The following PKP4 variants were observed in gnomAD, a reference collection of about 807,000 sequenced individuals.
The protein encoded by PKP4 is plakophilin 4, also known as plakophilin-4.
Under a neutral mutation model 145.1 loss-of-function variants are expected in PKP4, and 90 were observed. The ratio of observed to expected loss-of-function variants is 0.62; its 90% CI spans 0.52 to 0.74. The LOEUF is 0.74. Ranked by LOEUF, PKP4 falls within the 30% of genes least tolerant of loss-of-function variation. The pLI is 0.00. For synonymous variants in PKP4, 563 were observed against 577.2 expected (o/e 0.98, Z 0.35); for missense variants, 1,340 against 1,482.7 (o/e 0.90, Z 1.58).
intron 11 of PKP4, among the ~76,000 whole-genome samples, chr2:158,652,381 A>G (rs1434546180): frequency 6.6e-6 from 1 of 152,122 alleles, no homozygotes; most frequent in African/African-American, 2.4e-5. Flanking sequence ...GGGAGGCCAT[A>G]TTGTAGCAGG....
intron 4 of PKP4, among the ~76,000 whole-genome samples, chr2:158,616,593 T>C (rs1038311137): frequency 3.9e-5 from 6 of 152,162 alleles, no homozygotes; most frequent in Non-Finnish European, 7.4e-5. Context: ...CCTCGGGTGC[T>C]ATTGCTGTCC....
intron 2 of PKP4, among the ~76,000 whole-genome samples, chr2:158,562,813 A>G (rs773843205): frequency 2.6e-5 from 4 of 152,226 alleles, no homozygotes; most frequent in Non-Finnish European, 5.9e-5. Context: ...CAGCCCTAAC[A>G]TGATTCAAAA....
chr2:158,466,813 A>G (rs1388316809), intron 1 of PKP4, among the ~76,000 whole-genome samples: 2 of 152,374 alleles, frequency 1.3e-5, no homozygotes, highest in South Asian at 2.1e-4. Flanking sequence ...GCTCTTTATC[A>G]TACTACTAAT....
intron 1 of PKP4, among the ~76,000 whole-genome samples, chr2:158,503,669 T>C (rs1696903379): frequency 6.6e-6 from 1 of 152,234 alleles, no homozygotes; most frequent in Admixed American, 6.5e-5. Flanking sequence ...TGAGCAAAGT[T>C]TGTATCATTC....
At chr2:158,477,330 C>A (rs975212321) in intron 1 of PKP4, among the ~76,000 whole-genome samples, 4 of 152,164 alleles carry the variant, frequency 2.6e-5, no homozygotes, top group African/African-American at 9.7e-5. Flanking sequence ...ACCTTGTTTC[C>A]CATCAGCTTA....
At chr2:158,553,574 G>T (rs2105710408) in intron 2 of PKP4, among the ~76,000 whole-genome samples, 1 of 152,294 alleles carries the variant, frequency 6.6e-6, no homozygotes, top group East Asian at 1.9e-4. Flanking sequence ...CAAATATGTG[G>T]TCCCCTTAAA....
At position 158,669,760 on chromosome 2, in the gene PKP4, C is replaced by T. The variant is rs763076700; in HGVS notation, c.2769C>T (p.Gly923=). Residue 923 remains glycine (G), a synonymous_variant, in exon 17 of 22, where the codon GGC becomes GGT. Coordinates refer to ENST00000389759, the MANE Select transcript of PKP4 (RefSeq NM_003628.6). The part of the protein sequence containing the change: ...AMRDLVNRLP[G]GNGPSVLSDE... The stretch of plus-strand genomic sequence containing the variant: ...GAGACCTGGTCAACCGGCTCCCCGG[C>T]GGCAATGGCCCCAGTGTCTTGTCTG... 5.6e-6 allele frequency: 9 copies of T among 1,603,382 alleles called. No individual in the cohort carries two copies. Among genetic ancestry groups the T allele is most frequent in the South Asian group, 4.5e-5 (4 of 89,878 alleles).
intron 1 of PKP4, among the ~76,000 whole-genome samples, chr2:158,464,495 G>A (rs1690280828): frequency 6.6e-6 from 1 of 152,146 alleles, no homozygotes; most frequent in African/African-American, 2.4e-5. Flanking sequence ...ACTCTAGTAT[G>A]TATTTATCTA....
Position 158,642,598 on chromosome 2 carries a change from C to T in PKP4, c.1808C>T (p.Thr603Ile). Residue 603 changes from threonine to isoleucine, a missense_variant, in exon 11 of 22, where the codon ACA (threonine) becomes ATA (isoleucine). Physicochemically the swap from Thr to Ile is moderately conservative, Grantham distance 89 (BLOSUM62 -1). Coordinates refer to ENST00000389759, the MANE Select transcript of PKP4 (RefSeq NM_003628.6). Reference protein sequence around the residue: ...ALRNLVFGKSTDENKIAMKNV... With the variant: ...ALRNLVFGKSIDENKIAMKNV... Reference sequence around the variant, plus strand: ...CGAAACCTCGTTTTTGGCAAGTCTACAGATGAAAATAAAATAGCAATGAAG... The same window carrying T: ...CGAAACCTCGTTTTTGGCAAGTCTATAGATGAAAATAAAATAGCAATGAAG... 11 of 1,613,642 alleles carry T rather than the reference C, an allele frequency of 6.8e-6. No individual in the cohort carries two copies. The highest frequency in any genetic ancestry group is 9.3e-6 in the Non-Finnish European group (11 of 1,179,640).
chr2:158,464,923 A>G (rs1462137188), intron 1 of PKP4, among the ~76,000 whole-genome samples: 1 of 152,226 alleles, frequency 6.6e-6, no homozygotes, highest in Non-Finnish European at 1.5e-5. Context: ...CATTTTGCAT[A>G]CTTATTTAAA....
At chr2:158,645,433 G>A (rs545566691) in intron 11 of PKP4, among the ~76,000 whole-genome samples, 2 of 152,328 alleles carry the variant, frequency 1.3e-5, no homozygotes, top group South Asian at 2.1e-4. Flanking sequence ...GCATAGAGGA[G>A]ACAGAATCAT....
At chr2:158,650,130 C>T (rs1051921008) in intron 11 of PKP4, among the ~76,000 whole-genome samples, 8 of 152,230 alleles carry the variant, frequency 5.3e-5, no homozygotes, top group African/African-American at 1.9e-4. Context: ...GGCCGCTGCC[C>T]CCACTGCCGT....
intron 2 of PKP4, among the ~76,000 whole-genome samples, chr2:158,569,825 T>C (rs1267788925): frequency 6.6e-6 from 1 of 152,158 alleles, no homozygotes; most frequent in Non-Finnish European, 1.5e-5. Flanking sequence ...GAACTTTTAA[T>C]ATGGTAGGGT....
intron 4 of PKP4, among the ~76,000 whole-genome samples, chr2:158,616,845 A>G (rs943702030): frequency 8.5e-5 from 13 of 152,194 alleles, no homozygotes; most frequent in Non-Finnish European, 1.3e-4. Context: ...CAAGACATAG[A>G]CTAACAAAGC....
At chr2:158,523,360 C>A (rs866628228) in intron 1 of PKP4, among the ~76,000 whole-genome samples, 4 of 116,634 alleles carry the variant, frequency 3.4e-5, no homozygotes, top group Non-Finnish European at 5.3e-5. Flanking sequence ...GGCACCCCCC[C>A]AGCAGGGGCA....
At chr2:158,467,706 G>A (rs1454964983) in intron 1 of PKP4, among the ~76,000 whole-genome samples, 4 of 151,988 alleles carry the variant, frequency 2.6e-5, no homozygotes, top group Non-Finnish European at 5.9e-5. Context: ...AATTAGCTGC[G>A]TGCGATGGCA....
chr2:158,643,911 ACGCGCCACCAAACC>A (rs1219626267), intron 11 of PKP4, among the ~76,000 whole-genome samples: 2 of 151,890 alleles, frequency 1.3e-5, no homozygotes, highest in Non-Finnish European at 2.9e-5. Context: ...GATTACACAC[ACGCGCCACCAAACC>A]CAGCTAATTT....
At chr2:158,475,558 A>G (rs1692334796) in intron 1 of PKP4, among the ~76,000 whole-genome samples, 1 of 152,206 alleles carries the variant, frequency 6.6e-6, no homozygotes, top group Non-Finnish European at 1.5e-5. Flanking sequence ...AATATTCTAG[A>G]ATTTTTAGCC....
chr2:158,507,235 C>T (rs914751099), intron 1 of PKP4, among the ~76,000 whole-genome samples: 3 of 152,146 alleles, frequency 2.0e-5, no homozygotes, highest in Admixed American at 6.5e-5. Flanking sequence ...AAGGTACATG[C>T]ATTCAACTCT....
Sources: allele counts gnomAD v4.1 joint callset (sites outside exome capture counted in the v4.1 genomes callset), GRCh38; gene constraint gnomAD v4.1.1; transcripts MANE v1.5; gene names NCBI Gene and HGNC (gene_info 2026-07-23, HGNC 2026-07-21).